Variants in CDK14 observed in about 807,000 individuals in gnomAD.
CDK14 encodes cyclin-dependent kinase 14.
CDK14 carries 34 observed loss-of-function variants against 60.7 expected under a neutral mutation model. The observed-to-expected ratio is 0.56, with a 90% CI of 0.43 to 0.75. CDK14 has a LOEUF of 0.75. Among genes scored for constraint, CDK14 ranks in the 30% least tolerant of loss-of-function variants. The pLI, the probability that CDK14 is intolerant of heterozygous loss-of-function variation, is 0.00. For missense variants in CDK14, 482 were observed against 564.1 expected (o/e 0.85, Z 1.47); for synonymous variants, 197 against 203.7 (o/e 0.97, Z 0.28).
chr7:91,005,293 A>C, intron 10 of CDK14, among the ~76,000 whole-genome samples: 1 of 152,256 alleles, frequency 6.6e-6, no homozygotes, highest in East Asian at 1.9e-4. Flanking sequence ...TGGTGGGTGC[A>C]CTGCTGGGAA....
intron 4 of CDK14, among the ~76,000 whole-genome samples, chr7:90,768,433 T>C (rs1666744043): frequency 6.6e-6 from 1 of 152,158 alleles, no homozygotes; most frequent in Non-Finnish European, 1.5e-5. Flanking sequence ...CAGCGATTAT[T>C]TTTGAAAGTT....
At chr7:90,598,424 C>A (rs552881586) in intron 1 of CDK14, among the ~76,000 whole-genome samples, 1 of 152,154 alleles carries the variant, frequency 6.6e-6, no homozygotes, top group Admixed American at 6.5e-5. Context: ...AAAATGTCTT[C>A]TAAGAGCTGG....
rs1791063370 is a variant in CDK14, at chr7:90,863,189, G to A, written c.559G>A (p.Gly187Arg). The A allele has an allele frequency of 6.3e-7, 1 of 1,599,474 alleles. No individual in the cohort carries two copies. Among genetic ancestry groups the A allele is most frequent in the Non-Finnish European group, 8.5e-7 (1 of 1,169,996 alleles). The change falls in exon 6 of 15, where the codon GGA becomes AGA. Residue 187 changes from glycine (G) to arginine (R), a missense_variant. Transcript: ENST00000380050. ...TAIREASLLKGLKHANIVLLH... is the reference protein window; with the variant it reads ...TAIREASLLKRLKHANIVLLH... ...TTGTTTTACAGCTTCTCTTTTAAAAGGACTAAAACATGCTAACATAGTGCT... is the reference window on the plus strand; with the variant it reads ...TTGTTTTACAGCTTCTCTTTTAAAAAGACTAAAACATGCTAACATAGTGCT...
chr7:90,847,789 C>T (rs902915307), intron 5 of CDK14, among the ~76,000 whole-genome samples: 1 of 151,938 alleles, frequency 6.6e-6, no homozygotes, highest in African/African-American at 2.4e-5. Context: ...TTGAAATGAC[C>T]ATTCTTATTA....
intron 3 of CDK14, among the ~76,000 whole-genome samples, chr7:90,737,774 A>C (rs1194976189): frequency 6.6e-6 from 1 of 152,162 alleles, no homozygotes; most frequent in Non-Finnish European, 1.5e-5. Flanking sequence ...TTCTGATTGA[A>C]TCCTTCCTCT....
intron 11 of CDK14, among the ~76,000 whole-genome samples, chr7:91,060,339 C>G (rs1236019270): frequency 6.6e-6 from 1 of 151,502 alleles, no homozygotes; most frequent in South Asian, 2.1e-4. Context: ...ACTAATGGGT[C>G]TTGACTCTTT....
chr7:91,098,066 C>G (rs150940825), intron 12 of CDK14, among the ~76,000 whole-genome samples: 1 of 152,244 alleles, frequency 6.6e-6, no homozygotes, highest in East Asian at 1.9e-4. Flanking sequence ...AGAACAGGGC[C>G]TGTGTAAAGG....
Position 90,682,442 on chromosome 7 carries a change from A to T in CDK14, c.124-44125A>T, listed in dbSNP as rs78664554. Among the ~76,000 whole-genome samples, 552 of 152,316 alleles carry T rather than the reference A, an allele frequency of 3.6e-3. 9 individuals are homozygous for T. The highest frequency in any genetic ancestry group is 0.013 in the African/African-American group (532 of 41,570). ...GTCGGTCTATTGTGTGTGTATATAG[A>T]TAGGTAGACATATAGTCTCTTTTTT... is the stretch of plus-strand genomic sequence containing the variant. On this transcript the variant is annotated intron_variant, in intron 2 of 14. Coordinates refer to ENST00000380050, the MANE Select transcript of CDK14 (RefSeq NM_001287135.2).
chr7:91,106,289 G>A (rs1321951175), intron 12 of CDK14, among the ~76,000 whole-genome samples: 1 of 152,152 alleles, frequency 6.6e-6, no homozygotes, highest in African/African-American at 2.4e-5. Context: ...TGTCTTCAGA[G>A]GGTTAAGGGA....
intron 10 of CDK14, among the ~76,000 whole-genome samples, chr7:91,036,869 A>C (rs934638807): frequency 4.6e-5 from 7 of 152,270 alleles, no homozygotes; most frequent in African/African-American, 1.7e-4. Flanking sequence ...TTCAAGGGCC[A>C]GTTGTAATCT....
At chr7:90,822,637 TC>T (rs1474893513) in intron 5 of CDK14, among the ~76,000 whole-genome samples, 4 of 152,166 alleles carry the variant, frequency 2.6e-5, no homozygotes, top group African/African-American at 9.7e-5. Flanking sequence ...CTCTGACTCT[TC>T]CTGGCCAACT....
intron 2 of CDK14, among the ~76,000 whole-genome samples, chr7:90,676,770 A>G (rs1210381603): frequency 6.6e-6 from 1 of 151,954 alleles, no homozygotes; most frequent in African/African-American, 2.4e-5. Flanking sequence ...TCCTGGGCTC[A>G]AGGGGTCTTC....
intron 6 of CDK14, among the ~76,000 whole-genome samples, chr7:90,869,147 CTATCAA>C (rs1791287633): frequency 6.6e-6 from 1 of 152,202 alleles, no homozygotes; most frequent in Non-Finnish European, 1.5e-5. Flanking sequence ...CTGTAGCTCT[CTATCAA>C]TATTTTGCTT....
chr7:90,912,351 CA>C (rs1792934882), intron 7 of CDK14, among the ~76,000 whole-genome samples: 1 of 152,124 alleles, frequency 6.6e-6, no homozygotes, highest in South Asian at 2.1e-4. Context: ...GAGGCTTTTA[CA>C]AACTTTGATT....
chr7:90,641,159 A>G (rs1009533972), intron 2 of CDK14, among the ~76,000 whole-genome samples: 1 of 151,984 alleles, frequency 6.6e-6, no homozygotes, highest in Non-Finnish European at 1.5e-5. Context: ...GATGTGAATA[A>G]TTGGAACTCT....
intron 4 of CDK14, among the ~76,000 whole-genome samples, chr7:90,774,960 G>T (rs1358107910): frequency 6.6e-6 from 1 of 152,106 alleles, no homozygotes; most frequent in African/African-American, 2.4e-5. Flanking sequence ...AGTAGTACTT[G>T]GGGACTCCTC....
At chr7:91,195,190 A>G (rs78253974) in intron 14 of CDK14, among the ~76,000 whole-genome samples, 8,768 of 152,338 alleles carry the variant, frequency 0.058, 387 homozygotes, top group Admixed American at 0.14. Context: ...AATACATGCA[A>G]CCACAGTGAA....
chr7:90,712,442 G>A (rs925785248), intron 2 of CDK14, among the ~76,000 whole-genome samples: 1 of 151,824 alleles, frequency 6.6e-6, no homozygotes, highest in Non-Finnish European at 1.5e-5. Flanking sequence ...ATGTTTTCAA[G>A]GTTCATCCAT....
intron 5 of CDK14, among the ~76,000 whole-genome samples, chr7:90,817,609 GA>G (rs1789398995): frequency 6.6e-6 from 1 of 152,168 alleles, no homozygotes; most frequent in Admixed American, 6.6e-5. Context: ...TTTGTTTTAA[GA>G]ATTGATCCAG....
Sources: allele counts gnomAD v4.1 joint callset (sites outside exome capture counted in the v4.1 genomes callset), GRCh38; gene constraint gnomAD v4.1.1; transcripts MANE v1.5; gene names NCBI Gene and HGNC (gene_info 2026-07-23, HGNC 2026-07-21).